TIGD6: variants seen among roughly 807,000 people sequenced by gnomAD.
TIGD6 encodes the protein tigger transposable element-derived protein 6.
A neutral mutation model predicts 2.6 loss-of-function variants in TIGD6; 1 was observed. That is an observed-to-expected ratio of 0.39 (90% CI 0.14 to 1.85). The LOEUF is 1.85. Among genes scored for constraint, TIGD6 ranks in the 40% most tolerant of loss-of-function variants. The probability of loss-of-function intolerance (pLI) is 0.32; values close to 1 mark genes in which losing one functional copy is unlikely to be tolerated. For synonymous variants in TIGD6, 193 were observed against 221.9 expected, an observed-to-expected ratio of 0.87 and a Z score of 1.16; for missense variants, 601 against 634.2, an observed-to-expected ratio of 0.95 and a Z score of 0.56.
chr5:150,000,015 A>T, intron 1 of TIGD6: 1 of 154,692 alleles, frequency 6.5e-6, no homozygotes, highest in African/African-American at 2.4e-5. Context: ...GCAGGAGATG[A>T]TGGTGGCTAG....
intron 1 of TIGD6, among the ~76,000 whole-genome samples, chr5:149,999,235 T>C (rs1755475154): frequency 6.6e-6 from 1 of 152,330 alleles, no homozygotes; most frequent in South Asian, 2.1e-4. Flanking sequence ...TATAGTCTTT[T>C]GGTTGCAGGG....
chr5:149,995,837 C>T lies in TIGD6; in HGVS notation c.512G>A (p.Ser171Asn). 1 of 1,614,218 alleles carries T rather than the reference C, an allele frequency of 6.2e-7. No homozygotes were observed. Among genetic ancestry groups the T allele is most frequent in the Non-Finnish European group, 8.5e-7 (1 of 1,180,044 alleles). ...ATCAGCATTAAAGATATCATCTGGG[C>T]TGTAGTCAGCAATCAGTTTTATAAT... The part of the protein sequence containing the change: ...GEIIKLIADY[S>N]PDDIFNADET... Residue 171 changes from serine to asparagine, a missense_variant, in exon 2 of 2, where the codon AGC (serine) becomes AAC (asparagine). Ser to Asn is a conservative substitution (Grantham distance 46). Coordinates refer to ENST00000296736, the MANE Select transcript of TIGD6 (RefSeq NM_030953.4).
In TIGD6 at chr5:149,995,270, C is replaced by T; in HGVS notation, c.1079G>A (p.Trp360Ter). 6.2e-7 allele frequency: 1 copy of T among 1,614,236 alleles called. No individual in the cohort carries two copies. The highest frequency in any genetic ancestry group is 8.5e-7 in the Non-Finnish European group (1 of 1,180,046). Residue 360 changes from tryptophan to a stop codon, truncating the protein, a stop_gained, in exon 2 of 2, where the codon TGG (tryptophan) becomes TAG (stop). Transcript: ENST00000296736. LOFTEE classifies it low-confidence loss of function (END_TRUNC). ...KQAIDMIAAA[W>*]WSVKPSTVVK... Reference sequence around the variant, plus strand: ...CACTGTGGATGGCTTGACTGACCACCACGCTGCAGCAATCATGTCGATGGC... The same window carrying T: ...CACTGTGGATGGCTTGACTGACCACTACGCTGCAGCAATCATGTCGATGGC...
Position 149,996,445 on chromosome 5 carries a change from G to A in TIGD6, c.-81-16C>T, listed in dbSNP as rs1404627913. ...GTGTGGAAAGCTGAGAAGACAAAAT[G>A]GAGTACCTATCAGGAAACAATGGAT... On this transcript the variant is annotated splice_polypyrimidine_tract_variant and intron_variant, in intron 1 of 1. Coordinates refer to ENST00000296736, the MANE Select transcript of TIGD6 (RefSeq NM_030953.4). 4 of 1,474,206 alleles carry A rather than the reference G, an allele frequency of 2.7e-6. No individual in the cohort carries two copies. The highest frequency in any genetic ancestry group is 3.6e-6 in the Non-Finnish European group (4 of 1,103,512). The allele number at this position is 1,474,206 out of a possible 1,614,324, so 91.3% of individuals were successfully genotyped here.
At chr5:149,996,493 AT>A in intron 1 of TIGD6, 64 bp from the exon 2 acceptor site, 1 of 1,184,900 alleles carries the variant, frequency 8.4e-7, no homozygotes, top group Non-Finnish European at 1.2e-6. Flanking sequence ...ATGGTTCAGG[AT>A]TTTTACAAAT....
rs1371898194 is a variant in TIGD6, at chr5:149,993,224, A to G, written c.*1559T>C. On this transcript the variant is annotated 3_prime_UTR_variant, in exon 2 of 2. Coordinates refer to ENST00000296736, the MANE Select transcript of TIGD6 (RefSeq NM_030953.4). ...CTGTTTTTCAGTGATTGTTTTGTTA[A>G]TGTGGAAGCAACATTTTCTATGATT... is the stretch of plus-strand genomic sequence containing the variant. 6.6e-6 allele frequency: 1 copy of G among 152,222 alleles called. No homozygotes were observed. The highest frequency in any genetic ancestry group is 6.5e-5 in the Admixed American group (1 of 15,290). 9.4% of individuals were successfully genotyped at this position (152,222 alleles called of 1,614,324 possible).
chr5:149,995,579 G>C lies in TIGD6; in HGVS notation c.770C>G (p.Thr257Arg), dbSNP rs769040002. Residue 257 changes from threonine (T) to arginine (R), a missense_variant, in exon 2 of 2, where the codon ACA (threonine) becomes AGA (arginine). Coordinates refer to ENST00000296736, the MANE Select transcript of TIGD6 (RefSeq NM_030953.4). ...CAGCCACTCATTAAACAGATCCCTT[G>C]TCATCCAAGCCCACTGGTTGGCTCG... ...DYRANQWAWMTRDLFNEWLMQ... is the reference protein window; with the variant it reads ...DYRANQWAWMRRDLFNEWLMQ... 4.3e-6 allele frequency: 7 copies of C among 1,614,098 alleles called. No homozygotes were observed. The highest frequency in any genetic ancestry group is 1.6e-4 in the Middle Eastern group (1 of 6,084).
In TIGD6 at chr5:149,994,665, C is replaced by T; in HGVS notation, c.*118G>A. 1 of 1,001,012 alleles carries T rather than the reference C, an allele frequency of 1.0e-6. No homozygotes were observed. Among genetic ancestry groups the T allele is most frequent in the East Asian group, 2.9e-5 (1 of 34,914 alleles). The allele number at this position is 1,001,012 out of a possible 1,614,324, so 62.0% of individuals were successfully genotyped here. A position where few individuals can be genotyped will look rare whatever the true frequency, so the allele number is the denominator to read the frequency against. ...AATTCCATTCAAAGAAGTTTCCTGG[C>T]TATTTCAGAGTACTGGAATGTTGTC... On this transcript the variant is annotated 3_prime_UTR_variant, in exon 2 of 2. Coordinates refer to ENST00000296736, the MANE Select transcript of TIGD6 (RefSeq NM_030953.4).
At chr5:149,999,632 G>A (rs1443079385) in intron 1 of TIGD6, among the ~76,000 whole-genome samples, 19 of 152,240 alleles carry the variant, frequency 1.2e-4, no homozygotes, top group Non-Finnish European at 2.4e-4. Context: ...TTACTGAGGT[G>A]GGAGGATCTA....
At position 149,995,503 on chromosome 5, in the gene TIGD6, G is replaced by A. The variant is rs563256099; in HGVS notation, c.846C>T (p.Leu282=). 7 of 1,614,254 alleles carry A rather than the reference G, an allele frequency of 4.3e-6. No homozygotes were observed. In the Admixed American group the frequency reaches 5.0e-5, roughly 12 times the overall value. ...TGTTATGAGCAGAGCAGTTGTCTATGAGCAAGAGGATCCGGCGTTCCGCCC... is the reference window on the plus strand; with the variant it reads ...TGTTATGAGCAGAGCAGTTGTCTATAAGCAAGAGGATCCGGCGTTCCGCCC... ...MKRAERRILL[L]IDNCSAHNML... The change falls in exon 2 of 2, where the codon CTC becomes CTT. Residue 282 remains leucine (L), a synonymous_variant. Transcript: ENST00000296736.
intron 1 of TIGD6, among the ~76,000 whole-genome samples, chr5:149,998,536 A>G (rs1755453666): frequency 6.6e-6 from 1 of 152,176 alleles, no homozygotes; most frequent in Admixed American, 6.5e-5. Context: ...GGTGTGGTGT[A>G]TCCTGTCTAG....
At position 149,996,129 on chromosome 5, in the gene TIGD6, G is replaced by C. The variant is rs34570819; in HGVS notation, c.220C>G (p.Leu74Val). 3.0e-4 allele frequency: 484 copies of C among 1,613,680 alleles called. 3 individuals are homozygous for C. In the African/African-American group the frequency reaches 5.6e-3, roughly 19 times the overall value. ...GPQRKRMRSA[L>V]YDDIDKAVFA... is the part of the protein sequence containing the mutation. ...ACAGCCTTATCAATGTCATCATAAA[G>C]AGCGCTCCTCATCCTTTTCCGCTGG... The change falls in exon 2 of 2, where the codon CTT (leucine) becomes GTT (valine). Residue 74 changes from leucine to valine, a missense_variant. Leu to Val is a conservative substitution (Grantham distance 32). Transcript: ENST00000296736.
In TIGD6 at chr5:149,995,647, G is replaced by A. The variant is rs777474090; in HGVS notation, c.702C>T (p.Ser234=). ...MRPLIVGRSA[S]PHCLKNIHSL... ...AATGAATGTTCTTGAGGCAGTGTGG[G>A]CTGGCTGACCTACCAACAATCAATG... Residue 234 remains serine (S), a synonymous_variant, in exon 2 of 2, where the codon AGC becomes AGT. Transcript: ENST00000296736. The A allele has an allele frequency of 6.2e-7, 1 of 1,614,222 alleles. No homozygotes were observed. Among genetic ancestry groups the A allele is most frequent in the South Asian group, 1.1e-5 (1 of 91,086 alleles).
At chr5:149,999,299 A>C (rs1378108748) in intron 1 of TIGD6, among the ~76,000 whole-genome samples, 1 of 152,180 alleles carries the variant, frequency 6.6e-6, no homozygotes, top group Non-Finnish European at 1.5e-5. Flanking sequence ...TTAAATCTGA[A>C]GATAAAAGCA....
chr5:149,997,405 G>A (rs1405278129), intron 1 of TIGD6, among the ~76,000 whole-genome samples: 8 of 152,098 alleles, frequency 5.3e-5, no homozygotes, highest in East Asian at 3.9e-4. Context: ...GGGCGTGGTG[G>A]CGGGTGCCTG....
Position 149,996,298 on chromosome 5 carries a change from T to C in TIGD6, c.51A>G (p.Lys17=). ...KKRRQFSLEE[K]MKVVGAVDSG... is the part of the protein sequence containing the mutation. ...AGTCTACAGCTCCCACAACTTTCAT[T>C]TTCTCCTCCAGAGAGAACTGCCGAC... Residue 17 remains lysine, a synonymous_variant, in exon 2 of 2, where the codon AAA becomes AAG. Transcript: ENST00000296736. The C allele has an allele frequency of 6.2e-7, 1 of 1,613,628 alleles. No individual in the cohort carries two copies.
chr5:149,997,399 G>A (rs945937524), intron 1 of TIGD6, among the ~76,000 whole-genome samples: 27 of 152,082 alleles, frequency 1.8e-4, no homozygotes, highest in Admixed American at 1.2e-3. Context: ...TTAGCCGGGC[G>A]TGGTGGCGGG....
In TIGD6 at chr5:149,995,692, C is replaced by G. The variant is rs747151406; in HGVS notation, c.657G>C (p.Ser219=). ...RLTALFCCNA[S]GTEKMRPLIV... is the part of the protein sequence containing the mutation. Reference sequence around the variant, plus strand: ...TCAATGGTCTCATTTTTTCAGTCCCCGAGGCATTGCAACAAAAGAGTGCTG... The same window carrying G: ...TCAATGGTCTCATTTTTTCAGTCCCGGAGGCATTGCAACAAAAGAGTGCTG... The change falls in exon 2 of 2, where the codon TCG becomes TCC. Residue 219 remains serine (S), a synonymous_variant. Coordinates refer to ENST00000296736, the MANE Select transcript of TIGD6 (RefSeq NM_030953.4). 3 of 1,614,146 alleles carry G rather than the reference C, an allele frequency of 1.9e-6. No individual in the cohort carries two copies. Among genetic ancestry groups the G allele is most frequent in the Non-Finnish European group, 2.5e-6 (3 of 1,180,022 alleles).
chr5:149,999,791 T>C (rs551694820), intron 1 of TIGD6: 23 of 152,308 alleles, frequency 1.5e-4, no homozygotes, highest in African/African-American at 5.5e-4. Flanking sequence ...ACTACTAATA[T>C]TGAGAGGAGA....
Sources: allele counts gnomAD v4.1 joint callset (sites outside exome capture counted in the v4.1 genomes callset), GRCh38; gene constraint gnomAD v4.1.1; transcripts MANE v1.5; gene names NCBI Gene and HGNC (gene_info 2026-07-23, HGNC 2026-07-21).